The following PDE4B variants were observed in gnomAD, a reference collection of about 807,000 sequenced individuals.
The protein encoded by PDE4B is 3',5'-cyclic-AMP phosphodiesterase 4B.
A neutral mutation model predicts 82.2 loss-of-function variants in PDE4B; 20 were observed. The observed-to-expected ratio is 0.24, with a 90% CI of 0.17 to 0.35. The LOEUF (loss-of-function observed/expected upper bound fraction) is 0.35, where lower values mean the gene tolerates loss of function less well. Among genes scored for constraint, PDE4B ranks in the 10% least tolerant of loss-of-function variants. The pLI is 1.00. For missense variants in PDE4B, 655 were observed against 907.2 expected (o/e 0.72, Z 3.57); for synonymous variants, 320 against 318.9 (o/e 1.00, Z -0.04).
chr1:66,197,939 TA>T (rs1227619792), intron 3 of PDE4B, among the ~76,000 whole-genome samples: 2 of 152,166 alleles, frequency 1.3e-5, no homozygotes, highest in African/African-American at 2.4e-5. Flanking sequence ...GTTGGCAAAT[TA>T]ATGTGCTTGA....
intron 3 of PDE4B, among the ~76,000 whole-genome samples, chr1:66,130,307 C>T (rs1016649289): frequency 2.0e-5 from 3 of 152,232 alleles, no homozygotes; most frequent in African/African-American, 7.2e-5. Context: ...ATACTGACAA[C>T]AAAATGTGGC....
chr1:66,295,603 A>G (rs1277882819), intron 7 of PDE4B, among the ~76,000 whole-genome samples: 1 of 151,930 alleles, frequency 6.6e-6, no homozygotes, highest in Non-Finnish European at 1.5e-5. Context: ...TAATTTTTGT[A>G]TTTTCAGTAG....
At position 65,914,321 on chromosome 1, in the gene PDE4B, A is replaced by G. The variant is rs536762828; in HGVS notation, c.42+965A>G. ...CCTTCTGTGTTCCTGTAGGACCCAC[A>G]GTGCAGAGGGAGAGTTAGGTGTGCT... On this transcript the variant is annotated intron_variant, in intron 2 of 16. Coordinates refer to ENST00000341517, the MANE Select transcript of PDE4B (RefSeq NM_002600.4). Among the ~76,000 whole-genome samples, 11 of 152,302 alleles carry G rather than the reference A, an allele frequency of 7.2e-5. No individual in the cohort carries two copies. The South Asian group carries it at 1.9e-3, about 26-fold the overall frequency.
intron 3 of PDE4B, among the ~76,000 whole-genome samples, chr1:65,970,691 A>T (rs145799190): frequency 4.4e-4 from 67 of 152,254 alleles, no homozygotes; most frequent in African/African-American, 1.6e-3. Flanking sequence ...TGGAGGCATC[A>T]GTGAGATCTT....
chr1:66,006,091 G>T (rs1211751417), intron 3 of PDE4B, among the ~76,000 whole-genome samples: 1 of 152,136 alleles, frequency 6.6e-6, no homozygotes, highest in Admixed American at 6.6e-5. Context: ...TCAAAAATGT[G>T]TCTCAGCTTT....
At chr1:66,286,800 T>A (rs1656708118) in intron 7 of PDE4B, among the ~76,000 whole-genome samples, 1 of 152,134 alleles carries the variant, frequency 6.6e-6, no homozygotes, top group South Asian at 2.1e-4. Context: ...TTCACAAGAC[T>A]TAGCCCATGT....
chr1:66,158,739 C>T (rs1224544031), intron 3 of PDE4B, among the ~76,000 whole-genome samples: 1 of 152,170 alleles, frequency 6.6e-6, no homozygotes, highest in African/African-American at 2.4e-5. Flanking sequence ...CATATATACA[C>T]AACGGAATAC....
intron 1 of PDE4B, among the ~76,000 whole-genome samples, chr1:65,871,426 A>C (rs993371051): frequency 6.6e-6 from 1 of 152,240 alleles, no homozygotes; most frequent in Non-Finnish European, 1.5e-5. Flanking sequence ...AGTATTAAAC[A>C]GATGCCCTTA....
At chr1:66,065,282 A>G (rs959456487) in intron 3 of PDE4B, among the ~76,000 whole-genome samples, 1 of 151,908 alleles carries the variant, frequency 6.6e-6, no homozygotes, top group Non-Finnish European at 1.5e-5. Flanking sequence ...TTGAGTGGTT[A>G]TTACCGTATG....
intron 8 of PDE4B, among the ~76,000 whole-genome samples, chr1:66,346,127 A>G (rs1423460347): frequency 2.6e-5 from 4 of 152,148 alleles, no homozygotes; most frequent in Non-Finnish European, 5.9e-5. Flanking sequence ...GCCACTCTCC[A>G]TATCTGTTGG....
intron 3 of PDE4B, among the ~76,000 whole-genome samples, chr1:66,109,040 C>T (rs1427164571): frequency 6.6e-6 from 1 of 151,854 alleles, no homozygotes; most frequent in Non-Finnish European, 1.5e-5. Context: ...GAGATAAAGT[C>T]TGCATTAACT....
chr1:66,249,562 G>A (rs890881797), intron 4 of PDE4B, among the ~76,000 whole-genome samples: 4 of 151,964 alleles, frequency 2.6e-5, no homozygotes, highest in South Asian at 2.1e-4. Flanking sequence ...CTGAATCTAC[G>A]GCAGTCAAAA....
At chr1:66,205,709 A>T (rs1212688280) in intron 3 of PDE4B, among the ~76,000 whole-genome samples, 1 of 152,268 alleles carries the variant, frequency 6.6e-6, no homozygotes, top group African/African-American at 2.4e-5. Flanking sequence ...ATGTTGTGAA[A>T]GATGGCATTA....
chr1:66,317,338 C>G (rs1037729115), intron 7 of PDE4B, among the ~76,000 whole-genome samples: 2 of 152,174 alleles, frequency 1.3e-5, no homozygotes, highest in Admixed American at 1.3e-4. Flanking sequence ...ACCACCTCTG[C>G]TGCACCAAAC....
intron 3 of PDE4B, among the ~76,000 whole-genome samples, chr1:66,208,887 C>T (rs1037586916): frequency 1.3e-5 from 2 of 152,142 alleles, no homozygotes; most frequent in African/African-American, 4.8e-5. Flanking sequence ...TATACACTCC[C>T]ATTTACAGAT....
intron 8 of PDE4B, among the ~76,000 whole-genome samples, chr1:66,348,191 T>G (rs927337382): frequency 1.3e-5 from 2 of 152,174 alleles, no homozygotes; most frequent in African/African-American, 4.8e-5. Flanking sequence ...GCCTTAGAAT[T>G]GACTCTAGAA....
chr1:66,073,851 G>A (rs183090041), intron 3 of PDE4B, among the ~76,000 whole-genome samples: 6 of 152,212 alleles, frequency 3.9e-5, no homozygotes, highest in African/African-American at 1.4e-4. Flanking sequence ...AAGGGTGTGT[G>A]TATTACTTAA....
chr1:66,173,230 A>T (rs145735121), intron 3 of PDE4B, among the ~76,000 whole-genome samples: 1,533 of 152,326 alleles, frequency 0.01, 32 homozygotes, highest in African/African-American at 0.034. Flanking sequence ...GTTCTAAGAC[A>T]CGAGAAGGAA....
intron 3 of PDE4B, among the ~76,000 whole-genome samples, chr1:66,121,774 CT>C (rs1451907996): frequency 6.6e-6 from 1 of 152,218 alleles, no homozygotes; most frequent in African/African-American, 2.4e-5. Flanking sequence ...CTCCAGCTTT[CT>C]AACAGGAGCA....
Sources: gnomAD v4.1 joint callset for allele counts (sites outside exome capture counted in the v4.1 genomes callset) on GRCh38, gnomAD v4.1.1 for gene constraint, MANE v1.5 for transcripts, NCBI Gene and HGNC (gene_info 2026-07-23, HGNC 2026-07-21) for gene names.